TMEM26: variants seen among roughly 807,000 people sequenced by gnomAD.
TMEM26 encodes the protein transmembrane protein 26.
TMEM26 carries 38 observed loss-of-function variants against 28.8 expected under a neutral mutation model. The observed-to-expected ratio is 1.32, with a 90% CI of 1.02 to 1.73. TMEM26 has a LOEUF of 1.73. Among genes scored for constraint, TMEM26 ranks in the 40% most tolerant of loss-of-function variants. The probability of loss-of-function intolerance (pLI) is 0.00; values close to 1 mark genes in which losing one functional copy is unlikely to be tolerated. For missense variants in TMEM26, 518 were observed against 447.1 expected, an observed-to-expected ratio of 1.16 and a Z score of -1.43; for synonymous variants, 227 against 182.9, an observed-to-expected ratio of 1.24 and a Z score of -1.95.
chr10:61,452,941 G>C lies in TMEM26; in HGVS notation c.141C>G (p.Phe47Leu), dbSNP rs1840315720. Residue 47 changes from phenylalanine to leucine, a missense_variant, in exon 1 of 6, where the codon TTC becomes TTG. Coordinates refer to ENST00000399298, the MANE Select transcript of TMEM26 (RefSeq NM_178505.8). Reference protein sequence around the residue: ...WLLALLNLLLFLETALTLKFK... With the variant: ...WLLALLNLLLLLETALTLKFK... ...ACTTGAGGGTGAGCGCAGTCTCCAG[G>C]AAGAGCAAGAGGTTGAGCAGCGCAA... The C allele has an allele frequency of 6.2e-7, 1 of 1,613,948 alleles. No individual in the cohort carries two copies. The highest frequency in any genetic ancestry group is 1.7e-5 in the Admixed American group (1 of 59,996).
intron 4 of TMEM26, among the ~76,000 whole-genome samples, chr10:61,421,581 A>G (rs1235969309): frequency 2.0e-5 from 3 of 152,274 alleles, no homozygotes; most frequent in Admixed American, 1.3e-4. Flanking sequence ...GGAGACACAG[A>G]CAGACACACT....
At position 61,407,014 on chromosome 10, in the gene TMEM26, T is replaced by A. The variant is rs1399219794; in HGVS notation, c.*3308A>T. The stretch of plus-strand genomic sequence containing the variant: ...TTTCTTGTAATTCAAGACTGTTTGG[T>A]GTTTCATTTGCGTCTCTGTAGTATA... On this transcript the variant is annotated 3_prime_UTR_variant, in exon 6 of 6. Transcript: ENST00000399298. 6.6e-6 allele frequency: 1 copy of A among 151,984 alleles called. No homozygotes were observed. Among genetic ancestry groups the A allele is most frequent in the Admixed American group, 6.6e-5 (1 of 15,232 alleles). 9.4% of individuals were successfully genotyped at this position (151,984 alleles called of 1,614,324 possible).
At chr10:61,431,354 G>A (rs1839919733) in intron 2 of TMEM26, 22 bp from the exon 3 acceptor site, 5 of 1,569,006 alleles carry the variant, frequency 3.2e-6, no homozygotes, top group African/African-American at 2.7e-5. Flanking sequence ...GTCAGGGAAG[G>A]CAATTATGGC....
intron 4 of TMEM26, among the ~76,000 whole-genome samples, chr10:61,424,251 T>C (rs1306445015): frequency 6.6e-6 from 1 of 152,162 alleles, no homozygotes; most frequent in Admixed American, 6.6e-5. Context: ...GTAAACTGTG[T>C]TTCTATTATA....
At chr10:61,412,849 G>A (rs1839589302) in intron 5 of TMEM26, 1 of 866,698 alleles carries the variant, frequency 1.2e-6, no homozygotes, top group Non-Finnish European at 1.6e-6. Context: ...CTAGATTATT[G>A]CTAGTATAAA....
intron 4 of TMEM26, among the ~76,000 whole-genome samples, chr10:61,419,988 G>A (rs965049544): frequency 3.3e-5 from 5 of 152,038 alleles, no homozygotes; most frequent in African/African-American, 1.2e-4. Context: ...CCAGCAAAGT[G>A]GGGGTTAGTT....
chr10:61,438,952 A>G (rs1334267962), intron 1 of TMEM26, among the ~76,000 whole-genome samples: 1 of 152,188 alleles, frequency 6.6e-6, no homozygotes, highest in Admixed American at 6.5e-5. Context: ...GGAAAAAGGA[A>G]TCATATTGAG....
At chr10:61,432,347 C>T (rs897860202) in intron 2 of TMEM26, among the ~76,000 whole-genome samples, 1 of 151,884 alleles carries the variant, frequency 6.6e-6, no homozygotes, top group African/African-American at 2.4e-5. Flanking sequence ...GGCATTTTTC[C>T]TTTTTTGTTT....
At chr10:61,412,370 A>G (rs1230001243) in intron 5 of TMEM26, among the ~76,000 whole-genome samples, 1 of 152,140 alleles carries the variant, frequency 6.6e-6, no homozygotes, top group Non-Finnish European at 1.5e-5. Context: ...TAATAATTCC[A>G]AAAAGAGGAT....
intron 4 of TMEM26, among the ~76,000 whole-genome samples, chr10:61,418,665 G>A (rs759425295): frequency 6.6e-5 from 10 of 152,112 alleles, no homozygotes; most frequent in Non-Finnish European, 1.2e-4. Context: ...GTGGTCAATA[G>A]AAGTAACAAA....
At chr10:61,413,418 T>C (rs1839600119) in intron 5 of TMEM26, 41 bp downstream of exon 5, 3 of 1,598,956 alleles carry the variant, frequency 1.9e-6, no homozygotes, top group Non-Finnish European at 2.6e-6. Context: ...AATCAAGAGG[T>C]GTAATTTTCT....
At chr10:61,445,704 T>A (rs1237750825) in intron 1 of TMEM26, among the ~76,000 whole-genome samples, 2 of 152,154 alleles carry the variant, frequency 1.3e-5, no homozygotes, top group Non-Finnish European at 2.9e-5. Context: ...GGAAAGAAAC[T>A]TATTTTTAAC....
chr10:61,438,994 C>T (rs191558859), intron 1 of TMEM26, among the ~76,000 whole-genome samples: 4 of 152,302 alleles, frequency 2.6e-5, no homozygotes, highest in East Asian at 3.9e-4. Context: ...CAACTCAATC[C>T]TCAGCCTTGT....
Position 61,410,330 on chromosome 10 carries a change from T to C in TMEM26, c.1099A>G (p.Thr367Ala), listed in dbSNP as rs964526530. ...SPVTSDDSHH[T>A]P Reference sequence around the variant, plus strand: ...CCACTGTCAATCAATAACTAAGGGGTGTGGTGGGAGTCGTCGGAGGTGACT... The same window carrying C: ...CCACTGTCAATCAATAACTAAGGGGCGTGGTGGGAGTCGTCGGAGGTGACT... Residue 367 changes from threonine to alanine, a missense_variant, in exon 6 of 6, where the codon ACC (threonine) becomes GCC (alanine). Transcript: ENST00000399298. 3.1e-6 allele frequency: 5 copies of C among 1,608,834 alleles called. No homozygotes were observed. The African/African-American group carries it at 6.7e-5, about 22-fold the overall frequency.
rs1839602206 is a variant in TMEM26, at chr10:61,413,491, C to T, written c.650G>A (p.Trp217Ter). ...GTCAAGTGGAAACTGCAGCATGCTCCAAGTCCATATAACAAGGATGGCATA... is the reference window on the plus strand; with the variant it reads ...GTCAAGTGGAAACTGCAGCATGCTCTAAGTCCATATAACAAGGATGGCATA... ...LVYAILVIWT[W>*]SMLQFPLDLA... The change falls in exon 5 of 6, where the codon TGG becomes TAG. Residue 217 changes from tryptophan to a stop codon, truncating the protein, a stop_gained. Coordinates refer to ENST00000399298, the MANE Select transcript of TMEM26 (RefSeq NM_178505.8). LOFTEE classifies it low-confidence loss of function (END_TRUNC). The T allele has an allele frequency of 6.2e-7, 1 of 1,612,978 alleles. No individual in the cohort carries two copies. The highest frequency in any genetic ancestry group is 8.5e-7 in the Non-Finnish European group (1 of 1,179,358).
chr10:61,425,157 C>T (rs1057268741), intron 4 of TMEM26, among the ~76,000 whole-genome samples: 5 of 152,062 alleles, frequency 3.3e-5, no homozygotes, highest in Non-Finnish European at 7.4e-5. Context: ...GCAAAGAGGG[C>T]TTGTGCAGGG....
chr10:61,449,113 A>T (rs1251835435), intron 1 of TMEM26, among the ~76,000 whole-genome samples: 1 of 152,248 alleles, frequency 6.6e-6, no homozygotes, highest in Non-Finnish European at 1.5e-5. Flanking sequence ...ATCTTACAGA[A>T]ATGTAATTAA....
Position 61,408,806 on chromosome 10 carries a change from A to G in TMEM26, c.*1516T>C, listed in dbSNP as rs1364307343. On this transcript the variant is annotated 3_prime_UTR_variant, in exon 6 of 6. Transcript: ENST00000399298. ...CAAGGAAGAAAGAAATAAAAAACATATAACAATGGCACTGAAGAAGCCATT... is the reference window on the plus strand; with the variant it reads ...CAAGGAAGAAAGAAATAAAAAACATGTAACAATGGCACTGAAGAAGCCATT... 6.6e-6 allele frequency: 1 copy of G among 152,254 alleles called. No homozygotes were observed. The highest frequency in any genetic ancestry group is 1.5e-5 in the Non-Finnish European group (1 of 68,050). 9.4% of individuals were successfully genotyped at this position (152,254 alleles called of 1,614,324 possible).
chr10:61,414,715 G>T (rs1839622190), intron 4 of TMEM26: 1 of 152,114 alleles, frequency 6.6e-6, no homozygotes, highest in African/African-American at 2.4e-5. Flanking sequence ...ATTTCTGAGA[G>T]CCCTTTTAGA....
Sources: gnomAD v4.1 joint callset for allele counts (sites outside exome capture counted in the v4.1 genomes callset) on GRCh38, gnomAD v4.1.1 for gene constraint, MANE v1.5 for transcripts, NCBI Gene and HGNC (gene_info 2026-07-23, HGNC 2026-07-21) for gene names.